Variants in INSC observed in about 807,000 individuals in gnomAD.
INSC encodes the protein protein inscuteable homolog.
Under a neutral mutation model 58.6 loss-of-function variants are expected in INSC, and 67 were observed. The observed-to-expected ratio is 1.14, with a 90% confidence interval of 0.94 to 1.40. The LOEUF (loss-of-function observed/expected upper bound fraction) is 1.40, where lower values mean the gene tolerates loss of function less well. INSC is among the 40% of genes most tolerant of loss of function. The pLI, the probability that INSC is intolerant of heterozygous loss-of-function variation, is 0.00. For synonymous variants in INSC, 262 were observed against 276.1 expected (o/e 0.95, Z 0.51); for missense variants, 714 against 692.0 (o/e 1.03, Z -0.36).
chr11:15,181,413 C>T (rs1446044796), intron 5 of INSC, among the ~76,000 whole-genome samples: 1 of 151,962 alleles, frequency 6.6e-6, no homozygotes, highest in Non-Finnish European at 1.5e-5. Context: ...AACAAATCTC[C>T]CCACCCCCTT....
chr11:15,198,629 T>C (rs1850460368), intron 6 of INSC, among the ~76,000 whole-genome samples: 1 of 152,126 alleles, frequency 6.6e-6, no homozygotes, highest in Non-Finnish European at 1.5e-5. Context: ...ATACAATATG[T>C]ATGATTAAAT....
chr11:15,174,007 T>G (rs747100047), intron 2 of INSC, among the ~76,000 whole-genome samples: 3 of 152,150 alleles, frequency 2.0e-5, no homozygotes, highest in African/African-American at 7.2e-5. Context: ...CTATACTGAC[T>G]CAGAATAAAA....
chr11:15,223,377 C>A (rs1851516694), intron 8 of INSC, among the ~76,000 whole-genome samples: 2 of 152,178 alleles, frequency 1.3e-5, no homozygotes, highest in Admixed American at 1.3e-4. Context: ...GTATAGTCCA[C>A]TCTGAGATTC....
intron 12 of INSC, among the ~76,000 whole-genome samples, chr11:15,242,073 C>T (rs1217048990): frequency 6.6e-6 from 1 of 152,178 alleles, no homozygotes; most frequent in Admixed American, 6.5e-5. Flanking sequence ...GTAACTTTTT[C>T]TCATTCAAGT....
intron 1 of INSC, among the ~76,000 whole-genome samples, chr11:15,145,965 T>C (rs1590358411): frequency 6.6e-6 from 1 of 152,280 alleles, no homozygotes; most frequent in South Asian, 2.1e-4. Context: ...CTCCAGCACC[T>C]CCCCTTCAAT....
intron 7 of INSC, among the ~76,000 whole-genome samples, chr11:15,207,315 A>AT (rs999274862): frequency 6.6e-6 from 1 of 151,994 alleles, no homozygotes; most frequent in African/African-American, 2.4e-5. Flanking sequence ...CTTTTATTTT[A>AT]TTTTTTCAAA....
At position 15,163,968 on chromosome 11, in the gene INSC, G is replaced by T. The variant is rs58177415; in HGVS notation, c.57-11773G>T. Among the ~76,000 whole-genome samples the T allele has an allele frequency of 3.5e-3, 530 of 152,196 alleles. 2 individuals carry two copies. Among genetic ancestry groups the T allele is most frequent in the African/African-American group, 0.012 (506 of 41,538 alleles). On this transcript the variant is annotated intron_variant, in intron 2 of 12. Transcript: ENST00000379556. Reference sequence around the variant, plus strand: ...TGATTTTAAAGGCATTATCTTATGTGTTTCTTCTTGTTTAGCCTTTGTTTC... The same window carrying T: ...TGATTTTAAAGGCATTATCTTATGTTTTTCTTCTTGTTTAGCCTTTGTTTC...
intron 7 of INSC, among the ~76,000 whole-genome samples, chr11:15,207,573 G>A (rs1012910523): frequency 2.0e-5 from 3 of 152,100 alleles, no homozygotes; most frequent in Non-Finnish European, 4.4e-5. Context: ...CTGGAAGAGA[G>A]ATGAAGACAG....
In INSC at chr11:15,126,478, T is replaced by C. The variant is rs934897527; in HGVS notation, c.-46+11475T>C. On this transcript the variant is annotated intron_variant, in intron 1 of 12. Coordinates refer to ENST00000379556, the MANE Select transcript of INSC (RefSeq NM_001042536.3). ...TCTGGGCTCTGGCCATGAATGACTC[T>C]TTTAGAAGCTTCTGGGGTCACTGGA... is the stretch of plus-strand genomic sequence containing the variant. 6.6e-5 allele frequency among the ~76,000 whole-genome samples: 10 copies of C among 152,266 alleles called. 1 individual carries two copies. The highest frequency in any genetic ancestry group is 6.5e-4 in the Admixed American group (10 of 15,296).
chr11:15,165,818 G>C (rs1181179512), intron 2 of INSC, among the ~76,000 whole-genome samples: 1 of 152,154 alleles, frequency 6.6e-6, no homozygotes, highest in Non-Finnish European at 1.5e-5. Flanking sequence ...AAGGAAGAAA[G>C]GGTGTCAGAA....
upstream of INSC, among the ~76,000 whole-genome samples, chr11:15,112,833 C>G (rs1590315333): frequency 6.6e-6 from 1 of 152,032 alleles, no homozygotes; most frequent in African/African-American, 2.4e-5. Flanking sequence ...AATAAAATAT[C>G]TTAGTTTTCC....
chr11:15,227,652 C>T (rs890793073), intron 9 of INSC, among the ~76,000 whole-genome samples: 1 of 152,184 alleles, frequency 6.6e-6, no homozygotes, highest in African/African-American at 2.4e-5. Context: ...GTGGTGACCC[C>T]CTGGTTGGCT....
chr11:15,229,960 T>TATTATATATATATATATATTATA (rs1491089037), intron 9 of INSC, among the ~76,000 whole-genome samples: 3 of 25,100 alleles, frequency 1.2e-4, no homozygotes, highest in East Asian at 2.8e-3. Flanking sequence ...ATATATATAT[T>TATTATATATATATATATATTATA]TATATATATA....
At chr11:15,195,398 A>G (rs186831514) in intron 6 of INSC, among the ~76,000 whole-genome samples, 4 of 152,172 alleles carry the variant, frequency 2.6e-5, no homozygotes, top group African/African-American at 9.6e-5. Context: ...TGAATGGCAC[A>G]TGGGTTCTGA....
intron 1 of INSC, among the ~76,000 whole-genome samples, chr11:15,126,916 C>T (rs1848010363): frequency 6.6e-6 from 1 of 152,182 alleles, no homozygotes; most frequent in Non-Finnish European, 1.5e-5. Flanking sequence ...GGGATAGAGC[C>T]TGACTCTGGA....
intron 2 of INSC, among the ~76,000 whole-genome samples, chr11:15,153,249 C>T (rs926609281): frequency 2.0e-5 from 3 of 152,216 alleles, no homozygotes; most frequent in Non-Finnish European, 4.4e-5. Context: ...TCTGTGACTT[C>T]TCCCTGTGAG....
intron 1 of INSC, among the ~76,000 whole-genome samples, chr11:15,120,868 A>G (rs1847854869): frequency 6.8e-6 from 1 of 147,844 alleles, no homozygotes; most frequent in African/African-American, 2.4e-5. Context: ...AAAAATGTAT[A>G]AGACTTATAT....
chr11:15,170,779 C>T (rs976559416), intron 2 of INSC, among the ~76,000 whole-genome samples: 1 of 152,146 alleles, frequency 6.6e-6, no homozygotes, highest in African/African-American at 2.4e-5. Context: ...CATATACAGT[C>T]ATCTATTTGC....
intron 7 of INSC, 123 bp downstream of exon 7, chr11:15,201,072 G>A: frequency 1.1e-5 from 13 of 1,231,234 alleles, no homozygotes; most frequent in Non-Finnish European, 1.4e-5. Flanking sequence ...CTTTTCCCAG[G>A]CACCATTCGG....
Sources: gnomAD v4.1 joint callset for allele counts (sites outside exome capture counted in the v4.1 genomes callset) on GRCh38, gnomAD v4.1.1 for gene constraint, MANE v1.5 for transcripts, NCBI Gene and HGNC (gene_info 2026-07-23, HGNC 2026-07-21) for gene names.